KIF16B: variants seen among roughly 807,000 people sequenced by gnomAD.
The protein encoded by KIF16B is kinesin family member 16B.
Under a neutral mutation model 156.3 loss-of-function variants are expected in KIF16B, and 98 were observed. The observed-to-expected ratio is 0.63, with a 90% CI of 0.53 to 0.74. The LOEUF is 0.74. Among genes scored for constraint, KIF16B ranks in the 30% least tolerant of loss-of-function variants. KIF16B has a pLI of 0.00. For synonymous variants in KIF16B, 564 were observed against 583.7 expected, an observed-to-expected ratio of 0.97 and a Z score of 0.49; for missense variants, 1,421 against 1,606.5, an observed-to-expected ratio of 0.88 and a Z score of 1.97.
intron 1 of KIF16B, among the ~76,000 whole-genome samples, chr20:16,566,832 C>T (rs1031080140): frequency 1.3e-5 from 2 of 152,100 alleles, no homozygotes; most frequent in Admixed American, 6.6e-5. Context: ...AACTAAAATC[C>T]TTTTTTTATT....
intron 25 of KIF16B, among the ~76,000 whole-genome samples, chr20:16,310,021 C>G (rs370698070): frequency 6.6e-6 from 1 of 152,130 alleles, no homozygotes; most frequent in Non-Finnish European, 1.5e-5. Context: ...TGAAAATAGT[C>G]GCAGGGAATT....
chr20:16,336,211 T>G (rs2064033810), intron 23 of KIF16B, among the ~76,000 whole-genome samples, 196 bp from the exon 24 acceptor site: 1 of 152,206 alleles, frequency 6.6e-6, no homozygotes. Context: ...CAGCTTTGGC[T>G]CTCAGATCTT....
chr20:16,474,017 C>A (rs1489051405), intron 12 of KIF16B, among the ~76,000 whole-genome samples: 1 of 152,192 alleles, frequency 6.6e-6, no homozygotes, highest in East Asian at 1.9e-4. Context: ...TCCCTCCCTG[C>A]TGCTCCAAGC....
rs2063340643 is a variant in KIF16B at position 16,293,459 on chromosome 20, G to T, written c.3795+18876C>A. Among the ~76,000 whole-genome samples, 3 of 152,236 alleles carry T rather than the reference G, an allele frequency of 2.0e-5. No individual in the cohort carries two copies. The South Asian group carries it at 6.2e-4, about 32-fold the overall frequency. On this transcript the variant is annotated intron_variant, in intron 25 of 25. Coordinates refer to ENST00000354981, the MANE Select transcript of KIF16B (RefSeq NM_024704.5). ...CCAACTAACATTTTATATCTAGCCAGTGAGTGGGTACATGAAGGCATTTTC... is the reference window on the plus strand; with the variant it reads ...CCAACTAACATTTTATATCTAGCCATTGAGTGGGTACATGAAGGCATTTTC...
In KIF16B at chr20:16,332,124, T is replaced by C. The variant is rs181663728; in HGVS notation, c.3711+3802A>G. On this transcript the variant is annotated intron_variant, in intron 24 of 25. Transcript: ENST00000354981. ...AGGCTACTGTGTTTTTAGAAATAATTCTTTTTTCCCATTTTTATATTATTG... is the reference window on the plus strand; with the variant it reads ...AGGCTACTGTGTTTTTAGAAATAATCCTTTTTTCCCATTTTTATATTATTG... 2.0e-3 allele frequency among the ~76,000 whole-genome samples: 303 copies of C among 152,326 alleles called. 1 individual carries two copies. The highest frequency in any genetic ancestry group is 0.017 in the Middle Eastern group (5 of 294).
chr20:16,310,171 A>G (rs1440296006), intron 25 of KIF16B, among the ~76,000 whole-genome samples: 2 of 152,254 alleles, frequency 1.3e-5, no homozygotes, highest in Admixed American at 6.5e-5. Context: ...GCTTATTTCC[A>G]TAAGGTGTGG....
At chr20:16,397,432 T>G (rs987049695) in intron 17 of KIF16B, among the ~76,000 whole-genome samples, 4 of 152,220 alleles carry the variant, frequency 2.6e-5, no homozygotes, top group African/African-American at 9.6e-5. Flanking sequence ...CCAGTTAGGC[T>G]GATACAATGT....
rs6131814 is a variant in KIF16B, at chr20:16,351,731, C to A, written c.3621+4599G>T. Among the ~76,000 whole-genome samples, 164 of 152,258 alleles carry A rather than the reference C, an allele frequency of 1.1e-3. 1 individual carries two copies. The East Asian group carries it at 0.029, about 27-fold the overall frequency. ...CCCAGACGGATGTGCTACTAGGACC[C>A]GCAGGAAGGTACAGCTTCAAGGGTA... On this transcript the variant is annotated intron_variant, in intron 23 of 25. Coordinates refer to ENST00000354981, the MANE Select transcript of KIF16B (RefSeq NM_024704.5).
chr20:16,276,381 C>T (rs1241969092), intron 25 of KIF16B, among the ~76,000 whole-genome samples: 2 of 152,194 alleles, frequency 1.3e-5, no homozygotes, highest in Non-Finnish European at 2.9e-5. Context: ...CAGGTAATGT[C>T]TTTTTCTTTA....
intron 1 of KIF16B, among the ~76,000 whole-genome samples, chr20:16,569,664 C>T (rs2071387195): frequency 6.6e-6 from 1 of 152,142 alleles, no homozygotes; most frequent in Non-Finnish European, 1.5e-5. Context: ...TTTCCCTTTG[C>T]CTGAGGCTCC....
intron 1 of KIF16B, among the ~76,000 whole-genome samples, chr20:16,538,374 A>G (rs755128215): frequency 6.6e-6 from 1 of 152,252 alleles, no homozygotes; most frequent in Non-Finnish European, 1.5e-5. Flanking sequence ...ATTGTAGAAA[A>G]TAAATAATCC....
At chr20:16,275,210 T>C (rs1042166873) in intron 25 of KIF16B, among the ~76,000 whole-genome samples, 2 of 152,092 alleles carry the variant, frequency 1.3e-5, no homozygotes, top group Non-Finnish European at 2.9e-5. Flanking sequence ...TGTGCCACCA[T>C]GCCCAGCTAA....
At chr20:16,510,406 C>T (rs937815402) in intron 6 of KIF16B, among the ~76,000 whole-genome samples, 2 of 152,166 alleles carry the variant, frequency 1.3e-5, no homozygotes, top group Admixed American at 6.5e-5. Context: ...AATCCCAGCA[C>T]ATTGGGAAGC....
intron 1 of KIF16B, among the ~76,000 whole-genome samples, chr20:16,535,726 C>G (rs552680826): frequency 6.8e-6 from 1 of 146,116 alleles, no homozygotes; most frequent in South Asian, 2.2e-4. Context: ...AAATGACCAA[C>G]AGATATATGA....
At chr20:16,482,646 A>C (rs1370216791) in intron 12 of KIF16B, among the ~76,000 whole-genome samples, 1 of 152,204 alleles carries the variant, frequency 6.6e-6, no homozygotes, top group Non-Finnish European at 1.5e-5. Flanking sequence ...TGGAATGTTC[A>C]CACCACAGTA....
intron 25 of KIF16B, among the ~76,000 whole-genome samples, chr20:16,283,211 T>C (rs1330032696): frequency 2.0e-5 from 3 of 152,128 alleles, no homozygotes; most frequent in African/African-American, 7.2e-5. Flanking sequence ...AGAGAGAAAA[T>C]TCCGGCTCCA....
At chr20:16,289,677 T>G (rs1474258658) in intron 25 of KIF16B, among the ~76,000 whole-genome samples, 1 of 152,074 alleles carries the variant, frequency 6.6e-6, no homozygotes, top group Non-Finnish European at 1.5e-5. Context: ...CCGTCTCTAC[T>G]AAAAATACAA....
chr20:16,509,136 C>T (rs1600579498), intron 6 of KIF16B, among the ~76,000 whole-genome samples: 1 of 152,120 alleles, frequency 6.6e-6, no homozygotes, highest in Non-Finnish European at 1.5e-5. Flanking sequence ...TGGATTAATA[C>T]ATTAAAGAAC....
chr20:16,557,133 T>C (rs1294312326), intron 1 of KIF16B, among the ~76,000 whole-genome samples: 1 of 137,812 alleles, frequency 7.3e-6, no homozygotes, highest in Non-Finnish European at 1.5e-5. Context: ...TCATTAATAC[T>C]ATATATATTA....
Sources: allele counts gnomAD v4.1 joint callset (sites outside exome capture counted in the v4.1 genomes callset), GRCh38; gene constraint gnomAD v4.1.1; transcripts MANE v1.5; gene names NCBI Gene and HGNC (gene_info 2026-07-23, HGNC 2026-07-21).